LAMP3: variants seen among roughly 807,000 people sequenced by gnomAD.
LAMP3 encodes lysosome associated membrane protein 3.
A neutral mutation model predicts 34.8 loss-of-function variants in LAMP3; 26 were observed. The observed-to-expected ratio is 0.75, with a 90% CI of 0.55 to 1.04. LAMP3 has a LOEUF of 1.04. Among genes scored for constraint, LAMP3 ranks in the 50% least tolerant of loss-of-function variants. The probability of loss-of-function intolerance (pLI) is 0.00; values close to 1 mark genes in which losing one functional copy is unlikely to be tolerated. For synonymous variants in LAMP3, 180 were observed against 201.9 expected (o/e 0.89, Z 0.92); for missense variants, 495 against 524.0 (o/e 0.94, Z 0.54).
At chr3:183,133,863 C>G (rs777942902) in intron 5 of LAMP3, among the ~76,000 whole-genome samples, 5 of 152,192 alleles carry the variant, frequency 3.3e-5, no homozygotes, top group Admixed American at 2.0e-4. Context: ...CAAGGCTCAG[C>G]TTTGACACTT....
intron 4 of LAMP3, among the ~76,000 whole-genome samples, chr3:183,139,804 C>T (rs1688252916): frequency 6.6e-6 from 1 of 152,178 alleles, no homozygotes; most frequent in African/African-American, 2.4e-5. Context: ...AGAATGTAAA[C>T]TTCATGAGGG....
intron 4 of LAMP3, among the ~76,000 whole-genome samples, chr3:183,139,162 C>T (rs931857910): frequency 2.0e-5 from 3 of 152,000 alleles, no homozygotes; most frequent in African/African-American, 7.2e-5. Flanking sequence ...GGCCAAGGTG[C>T]GTGGATCACT....
chr3:183,132,892 T>C, intron 5 of LAMP3: 1 of 985,470 alleles, frequency 1.0e-6, no homozygotes, highest in Non-Finnish European at 1.2e-6. Flanking sequence ...CAAGCAGTCC[T>C]GTGATACTCA....
intron 4 of LAMP3, among the ~76,000 whole-genome samples, chr3:183,138,151 T>C (rs1316386722): frequency 6.6e-6 from 1 of 152,142 alleles, no homozygotes; most frequent in Non-Finnish European, 1.5e-5. Context: ...ATTTCTATTC[T>C]ATTGCTGGCT....
chr3:183,137,551 A>G (rs1445725989), intron 4 of LAMP3, among the ~76,000 whole-genome samples: 1 of 152,038 alleles, frequency 6.6e-6, no homozygotes, highest in African/African-American at 2.4e-5. Context: ...GTACATGCAA[A>G]TGCCCTATAC....
At position 183,152,491 on chromosome 3, in the gene LAMP3, G is replaced by T. The variant is rs1369423682; in HGVS notation, c.772C>A (p.Arg258=). 1 of 1,609,528 alleles carries T rather than the reference G, an allele frequency of 6.2e-7. No homozygotes were observed. The change falls in exon 3 of 6, where the codon CGG becomes AGG. Residue 258 remains arginine (R), a synonymous_variant. Transcript: ENST00000265598. The part of the protein sequence containing the change: ...VQDKESVFSP[R]RYFNIDPNAT... Reference sequence around the variant, plus strand: ...TTGGGGTCGATGTTGAAGTATCTCCGAGGTGAAAAAACCTAAATCAAGTTA... The same window carrying T: ...TTGGGGTCGATGTTGAAGTATCTCCTAGGTGAAAAAACCTAAATCAAGTTA...
chr3:183,127,345 G>C (rs1470664071), intron 5 of LAMP3, among the ~76,000 whole-genome samples: 1 of 152,158 alleles, frequency 6.6e-6, no homozygotes, highest in African/African-American at 2.4e-5. Context: ...ATGTTGCTCA[G>C]GCTGGTCTTG....
At chr3:183,134,391 C>A (rs531578197) in intron 5 of LAMP3, among the ~76,000 whole-genome samples, 35 of 152,258 alleles carry the variant, frequency 2.3e-4, no homozygotes, top group Admixed American at 5.9e-4. Context: ...ACTGCTGAAA[C>A]GTTTTATTTC....
intron 1 of LAMP3, among the ~76,000 whole-genome samples, chr3:183,161,478 C>T (rs1720972167): frequency 6.6e-6 from 1 of 152,110 alleles, no homozygotes; most frequent in Admixed American, 6.5e-5. Flanking sequence ...GCAACCTCCG[C>T]CTCTTGGGTT....
intron 3 of LAMP3, among the ~76,000 whole-genome samples, chr3:183,151,420 T>G (rs1361097566): frequency 6.7e-6 from 1 of 149,002 alleles, no homozygotes; most frequent in South Asian, 2.1e-4. Context: ...GTATGGGGCA[T>G]GCTCTTTTTT....
chr3:183,131,602 G>A (rs1719921964), intron 5 of LAMP3, among the ~76,000 whole-genome samples: 1 of 152,160 alleles, frequency 6.6e-6, no homozygotes, highest in Non-Finnish European at 1.5e-5. Context: ...TGAAGCTGCG[G>A]TGTGCCCTCC....
At chr3:183,146,522 ATTTTTTTTTT>A (rs1192142107) in intron 3 of LAMP3, among the ~76,000 whole-genome samples, 2 of 130,094 alleles carry the variant, frequency 1.5e-5, no homozygotes, top group Non-Finnish European at 3.3e-5. Flanking sequence ...TGGTGCTCAA[ATTTTTTTTTT>A]TTTTTTTTTT....
At chr3:183,162,168 T>A (rs1720998168) in intron 1 of LAMP3, among the ~76,000 whole-genome samples, 1 of 150,820 alleles carries the variant, frequency 6.6e-6, no homozygotes, top group South Asian at 2.1e-4. Context: ...GCATCTGGGA[T>A]GGGAAGTACA....
At chr3:183,155,121 T>C (rs887346328) in intron 1 of LAMP3, among the ~76,000 whole-genome samples, 2 of 152,130 alleles carry the variant, frequency 1.3e-5, no homozygotes, top group African/African-American at 4.8e-5. Context: ...CACCATGTTG[T>C]CCAGGCTGGT....
At chr3:183,133,345 C>T (rs1449906808) in intron 5 of LAMP3, among the ~76,000 whole-genome samples, 1 of 152,088 alleles carries the variant, frequency 6.6e-6, no homozygotes, top group Admixed American at 6.6e-5. Context: ...ATTCCCGGAG[C>T]CATATTCTCC....
At chr3:183,143,597 G>A (rs151277763) in intron 3 of LAMP3, among the ~76,000 whole-genome samples, 50 of 152,200 alleles carry the variant, frequency 3.3e-4, no homozygotes, top group Non-Finnish European at 5.7e-4. Flanking sequence ...TGGTATTTAA[G>A]CCCTGGGTCT....
chr3:183,130,154 CTTTTTTTTTTTTT>C (rs34543624), intron 5 of LAMP3, among the ~76,000 whole-genome samples: 1 of 70,962 alleles, frequency 1.4e-5, no homozygotes. Flanking sequence ...ACCCTCACTC[CTTTTTTTTTTTTT>C]TTTTTTTTTG....
chr3:183,159,079 TG>T (rs1720903373), intron 1 of LAMP3, among the ~76,000 whole-genome samples: 1 of 152,076 alleles, frequency 6.6e-6, no homozygotes, highest in Non-Finnish European at 1.5e-5. Flanking sequence ...TTGCATTTTT[TG>T]TACAGTCTCA....
At chr3:183,144,338 G>A (rs1447824697) in intron 3 of LAMP3, among the ~76,000 whole-genome samples, 2 of 152,194 alleles carry the variant, frequency 1.3e-5, no homozygotes, top group African/African-American at 4.8e-5. Context: ...CATAGACTTT[G>A]CCTTGGGGAT....
Sources: gnomAD v4.1 joint callset for allele counts (sites outside exome capture counted in the v4.1 genomes callset) on GRCh38, gnomAD v4.1.1 for gene constraint, MANE v1.5 for transcripts, NCBI Gene and HGNC (gene_info 2026-07-23, HGNC 2026-07-21) for gene names.